Variants in FRMD4A observed in about 807,000 individuals in gnomAD.
The protein encoded by FRMD4A is FERM domain containing 4A.
In FRMD4A, 29 loss-of-function variants were observed where a neutral mutation model predicts 129.1. That is an observed-to-expected ratio of 0.22 (90% CI 0.17 to 0.31). The LOEUF (loss-of-function observed/expected upper bound fraction) is 0.31, where lower values mean the gene tolerates loss of function less well. Among genes scored for constraint, FRMD4A ranks in the 10% least tolerant of loss-of-function variants. FRMD4A has a pLI of 1.00. For synonymous variants in FRMD4A, 634 were observed against 571.6 expected (o/e 1.11, Z -1.56); for missense variants, 1,272 against 1,375.8 (o/e 0.92, Z 1.19).
chr10:14,255,963 G>A (rs1216083196), intron 2 of FRMD4A, among the ~76,000 whole-genome samples: 2 of 139,888 alleles, frequency 1.4e-5, no homozygotes, highest in African/African-American at 5.4e-5. Flanking sequence ...TCAAAATCAC[G>A]CCACTGCACT....
Position 13,908,550 on chromosome 10 carries a change from T to G in FRMD4A, c.46-49638A>C, listed in dbSNP as rs138613936. Among the ~76,000 whole-genome samples the G allele has an allele frequency of 5.9e-5, 9 of 152,380 alleles. No homozygotes were observed. The East Asian group carries it at 1.7e-3, about 29-fold the overall frequency. On this transcript the variant is annotated intron_variant, in intron 2 of 24. Coordinates refer to ENST00000357447, the MANE Select transcript of FRMD4A (RefSeq NM_018027.5). ...GTGTTTTTGAATTTCATCCATTTATTGGATTCCATGGTGCAAATATACCAC... is the reference window on the plus strand; with the variant it reads ...GTGTTTTTGAATTTCATCCATTTATGGGATTCCATGGTGCAAATATACCAC...
chr10:14,207,548 T>C (rs1202814994), intron 2 of FRMD4A, among the ~76,000 whole-genome samples: 2 of 152,164 alleles, frequency 1.3e-5, no homozygotes, highest in Non-Finnish European at 2.9e-5. Flanking sequence ...TTTTTGTCTG[T>C]AAAATGTATT....
At chr10:14,304,059 T>C (rs1218474) in intron 2 of FRMD4A, among the ~76,000 whole-genome samples, 27,210 of 152,202 alleles carry the variant, frequency 0.18, 3,185 homozygotes, top group African/African-American at 0.33. Flanking sequence ...GAGTTGCTTC[T>C]GCCTTTTGGC....
intron 2 of FRMD4A, among the ~76,000 whole-genome samples, chr10:14,285,561 G>A (rs548118801): frequency 2.0e-5 from 3 of 152,196 alleles, no homozygotes; most frequent in African/African-American, 7.2e-5. Context: ...GAGTGACACT[G>A]GTCTGTTCCC....
chr10:14,286,312 A>G (rs1383043154), intron 2 of FRMD4A, among the ~76,000 whole-genome samples: 1 of 152,168 alleles, frequency 6.6e-6, no homozygotes, highest in Non-Finnish European at 1.5e-5. Context: ...TATTTCTTAG[A>G]CTGTCTCTTG....
chr10:14,246,839 T>C (rs1564415055), intron 2 of FRMD4A, among the ~76,000 whole-genome samples: 1 of 151,380 alleles, frequency 6.6e-6, no homozygotes, highest in East Asian at 1.9e-4. Context: ...AGAAGAAAGA[T>C]TGTGCTTCAG....
chr10:14,173,278 T>G (rs955200758), intron 2 of FRMD4A, among the ~76,000 whole-genome samples: 5 of 152,332 alleles, frequency 3.3e-5, no homozygotes, highest in African/African-American at 1.2e-4. Flanking sequence ...AACACCTTCA[T>G]CGTCTGAGCT....
intron 2 of FRMD4A, among the ~76,000 whole-genome samples, chr10:14,057,087 C>T (rs1834570483): frequency 6.6e-6 from 1 of 152,124 alleles, no homozygotes; most frequent in Non-Finnish European, 1.5e-5. Flanking sequence ...TGCTAGTCTT[C>T]TTCACTCAGG....
intron 2 of FRMD4A, among the ~76,000 whole-genome samples, chr10:13,965,690 A>G (rs144507670): frequency 5.9e-5 from 9 of 152,370 alleles, no homozygotes; most frequent in Admixed American, 5.9e-4. Context: ...TCTGCACAGT[A>G]TTTCCAATGA....
chr10:13,693,030 ATTAATTT>A (rs1564624355), intron 15 of FRMD4A: 11 of 59,662 alleles, frequency 1.8e-4, no homozygotes, highest in Non-Finnish European at 3.0e-4. Flanking sequence ...CACCTGGCTA[ATTAATTT>A]TTTTTTTTTT....
chr10:14,219,946 A>T (rs896893330), intron 2 of FRMD4A, among the ~76,000 whole-genome samples: 5 of 152,244 alleles, frequency 3.3e-5, no homozygotes, highest in South Asian at 4.1e-4. Context: ...GATAAGAGAG[A>T]AGGGTGGAGA....
chr10:14,063,060 T>G (rs11258846), intron 2 of FRMD4A, among the ~76,000 whole-genome samples: 4 of 152,178 alleles, frequency 2.6e-5, no homozygotes, highest in Admixed American at 1.3e-4. Context: ...TTACACAACT[T>G]AGCTATGACT....
intron 5 of FRMD4A, among the ~76,000 whole-genome samples, chr10:13,786,475 G>A (rs1188897032): frequency 2.4e-4 from 37 of 152,182 alleles, no homozygotes; most frequent in Non-Finnish European, 4.9e-4. Context: ...GCGTGGTGGC[G>A]GACACCCGTA....
chr10:13,867,039 T>A (rs1196433837), intron 2 of FRMD4A, among the ~76,000 whole-genome samples: 1 of 152,192 alleles, frequency 6.6e-6, no homozygotes, highest in Non-Finnish European at 1.5e-5. Flanking sequence ...TCTCACATGG[T>A]TACTTTTTTT....
chr10:13,680,314 A>C (rs2084430936), intron 15 of FRMD4A, among the ~76,000 whole-genome samples: 1 of 151,824 alleles, frequency 6.6e-6, no homozygotes, highest in Non-Finnish European at 1.5e-5. Context: ...CCAAACCAAA[A>C]ATTCTAATTT....
intron 2 of FRMD4A, among the ~76,000 whole-genome samples, chr10:14,166,933 T>C (rs950233040): frequency 2.0e-5 from 3 of 152,168 alleles, no homozygotes; most frequent in African/African-American, 7.2e-5. Context: ...GGCCCTATAT[T>C]TCTGTACCAT....
At chr10:14,144,851 G>A (rs1034271208) in intron 2 of FRMD4A, among the ~76,000 whole-genome samples, 22 of 152,132 alleles carry the variant, frequency 1.4e-4, no homozygotes, top group Admixed American at 8.5e-4. Context: ...GGGTGAAACC[G>A]CAGAGAAGGA....
intron 2 of FRMD4A, among the ~76,000 whole-genome samples, chr10:13,971,224 T>C (rs533103460): frequency 6.6e-6 from 1 of 152,322 alleles, no homozygotes; most frequent in African/African-American, 2.4e-5. Flanking sequence ...CACGGTTTGA[T>C]AAATCATCCA....
At chr10:14,176,654 T>C (rs978736389) in intron 2 of FRMD4A, among the ~76,000 whole-genome samples, 2 of 152,042 alleles carry the variant, frequency 1.3e-5, no homozygotes, top group African/African-American at 2.4e-5. Flanking sequence ...TTTGTATTTT[T>C]AGTAGAGATG....
Sources: gnomAD v4.1 joint callset for allele counts (sites outside exome capture counted in the v4.1 genomes callset) on GRCh38, gnomAD v4.1.1 for gene constraint, MANE v1.5 for transcripts, NCBI Gene and HGNC (gene_info 2026-07-23, HGNC 2026-07-21) for gene names.